Variants in MORN1 observed in about 807,000 individuals in gnomAD.
The protein encoded by MORN1 is MORN repeat containing 1, also known as MORN repeat-containing protein 1.
MORN1 carries 67 observed loss-of-function variants against 61.9 expected under a neutral mutation model. That is an observed-to-expected ratio of 1.08 (90% CI 0.89 to 1.33). The LOEUF is 1.33. Among genes scored for constraint, MORN1 ranks in the 40% most tolerant of loss-of-function variants. MORN1 has a pLI of 0.00. For missense variants in MORN1, 752 were observed against 691.2 expected (o/e 1.09, Z -0.99); for synonymous variants, 301 against 292.0 (o/e 1.03, Z -0.31).
At chr1:2,341,072 T>C (rs1272195449) in intron 10 of MORN1, among the ~76,000 whole-genome samples, 1 of 152,248 alleles carries the variant, frequency 6.6e-6, no homozygotes, top group Non-Finnish European at 1.5e-5. Flanking sequence ...AGGCTGGCCT[T>C]GCCCTTCTGT....
In MORN1 at chr1:2,343,425, C is replaced by T. The variant is rs920124694; in HGVS notation, c.1037-6575G>A. On this transcript the variant is annotated intron_variant, in intron 10 of 13. Coordinates refer to ENST00000378531, the MANE Select transcript of MORN1 (RefSeq NM_024848.3). Reference sequence around the variant, plus strand: ...GGGCACCAGCCCTGCCGGGGCCAGGCGGGTGCCGTTCCAGCCAGGCGGGTG... The same window carrying T: ...GGGCACCAGCCCTGCCGGGGCCAGGTGGGTGCCGTTCCAGCCAGGCGGGTG... Among the ~76,000 whole-genome samples the T allele has an allele frequency of 7.9e-5, 12 of 152,210 alleles. No individual in the cohort carries two copies. The East Asian group carries it at 2.1e-3, about 27-fold the overall frequency.
At chr1:2,330,777 G>A (rs1453968353) in intron 12 of MORN1, among the ~76,000 whole-genome samples, 1 of 152,274 alleles carries the variant, frequency 6.6e-6, no homozygotes, top group East Asian at 1.9e-4. Context: ...CCGGGCTGAT[G>A]GGGCTCGGGT....
intron 10 of MORN1, among the ~76,000 whole-genome samples, chr1:2,338,516 A>T (rs1028725820): frequency 6.6e-6 from 1 of 152,158 alleles, no homozygotes; most frequent in African/African-American, 2.4e-5. Context: ...TATCCTAATC[A>T]TGCGGACACC....
chr1:2,363,785 A>AAAACAAACAAAC (rs4013730), intron 8 of MORN1, among the ~76,000 whole-genome samples: 13 of 130,734 alleles, frequency 9.9e-5, no homozygotes, highest in South Asian at 2.4e-4. Flanking sequence ...ATCAGTTAGA[A>AAAACAAACAAAC]AAACAAACAA....
At chr1:2,324,363 CA>C (rs1640951317) in intron 12 of MORN1, among the ~76,000 whole-genome samples, 1 of 152,200 alleles carries the variant, frequency 6.6e-6, no homozygotes, top group Non-Finnish European at 1.5e-5. Context: ...CTGCCCTGTG[CA>C]AATCCTCTTT....
intron 12 of MORN1, chr1:2,332,316 C>G (rs192931809): frequency 9.2e-4 from 281 of 304,074 alleles, no homozygotes; most frequent in Non-Finnish European, 1.2e-3. Context: ...GGGGGCTCCC[C>G]TAGAGCCCCG....
At chr1:2,342,644 C>T (rs1641419982) in intron 10 of MORN1, among the ~76,000 whole-genome samples, 1 of 151,844 alleles carries the variant, frequency 6.6e-6, no homozygotes, top group Non-Finnish European at 1.5e-5. Context: ...TCCTCACCTC[C>T]CTCACCCTTC....
chr1:2,341,860 G>A (rs886538481), intron 10 of MORN1, among the ~76,000 whole-genome samples: 1 of 152,212 alleles, frequency 6.6e-6, no homozygotes, highest in African/African-American at 2.4e-5. Context: ...CCGCCAGCCC[G>A]AGTGGGCCTC....
intron 4 of MORN1, chr1:2,387,146 G>C: frequency 3.9e-6 from 2 of 506,608 alleles, no homozygotes; most frequent in South Asian, 4.9e-5. Flanking sequence ...TAAAGCAGTG[G>C]CCATTTTAAC....
Position 2,336,904 on chromosome 1 carries a change from G to A in MORN1, c.1037-54C>T, listed in dbSNP as rs930426529. 6.1e-6 allele frequency: 9 copies of A among 1,483,718 alleles called. No individual in the cohort carries two copies. In the African/African-American group the frequency reaches 1.1e-4, roughly 19 times the overall value. The allele number at this position is 1,483,718 out of a possible 1,614,324, so 91.9% of individuals were successfully genotyped here. A position where few individuals can be genotyped will look rare whatever the true frequency, so the allele number is the denominator to read the frequency against. On this transcript the variant is annotated intron_variant, in intron 10 of 13. Coordinates refer to ENST00000378531, the MANE Select transcript of MORN1 (RefSeq NM_024848.3). ...ATGAGGGGCTCAGGGCGGAGACGGA[G>A]GGAGCCCCACAGGGCTGTGCTGAAG... is the stretch of plus-strand genomic sequence containing the variant.
chr1:2,385,935 C>T, intron 4 of MORN1, 38 bp from the exon 5 acceptor site: 2 of 1,572,738 alleles, frequency 1.3e-6, no homozygotes, highest in Non-Finnish European at 1.8e-6. Context: ...GGCTTTGTGC[C>T]TCCTCCTGCA....
intron 13 of MORN1, chr1:2,322,021 G>A (rs2100211321): frequency 1.1e-5 from 11 of 985,042 alleles, no homozygotes; most frequent in East Asian, 1.1e-4. Flanking sequence ...TAAAAATAAC[G>A]AACCCTCTGA....
intron 12 of MORN1, among the ~76,000 whole-genome samples, chr1:2,326,041 G>A (rs374917963): frequency 9.2e-5 from 14 of 152,240 alleles, no homozygotes; most frequent in Admixed American, 4.6e-4. Context: ...GCCTCCTCCC[G>A]CCGTCCTGCC....
At chr1:2,353,042 A>G (rs982027844) in intron 10 of MORN1, among the ~76,000 whole-genome samples, 4 of 152,194 alleles carry the variant, frequency 2.6e-5, no homozygotes, top group African/African-American at 9.7e-5. Context: ...GGACCAGCAC[A>G]GCTGCCTGCG....
chr1:2,372,730 A>G lies in MORN1; in HGVS notation c.635-139T>C. 1 of 621,010 alleles carries G rather than the reference A, an allele frequency of 1.6e-6. No homozygotes were observed. The highest frequency in any genetic ancestry group is 2.9e-5 in the East Asian group (1 of 34,994). The allele number at this position is 621,010 out of a possible 1,614,324, so 38.5% of individuals were successfully genotyped here. A position where few individuals can be genotyped will look rare whatever the true frequency, so the allele number is the denominator to read the frequency against. The stretch of plus-strand genomic sequence containing the variant: ...GGAACACAAGCACATGCGGGGGCCG[A>G]CCCTCCGCAAACCACCTTGCAGAGC... On this transcript the variant is annotated intron_variant, in intron 7 of 13. Transcript: ENST00000378531. This position sits in a 1 kb window ranked among gnomAD's most constrained non-coding sequence, Gnocchi z 5.4.
intron 12 of MORN1, chr1:2,332,596 C>T (rs1215872064): frequency 2.2e-6 from 1 of 456,498 alleles, no homozygotes; most frequent in African/African-American, 2.0e-5. Flanking sequence ...CGGCACAGGC[C>T]CAGGTTGGGG....
chr1:2,383,019 C>T (rs936154483), intron 6 of MORN1, among the ~76,000 whole-genome samples: 1 of 152,162 alleles, frequency 6.6e-6, no homozygotes, highest in Admixed American at 6.5e-5. Context: ...TGAGGCCCTG[C>T]TGCGGGCAGC....
chr1:2,347,921 C>A (rs1304771127), intron 10 of MORN1, among the ~76,000 whole-genome samples: 1 of 152,246 alleles, frequency 6.6e-6, no homozygotes, highest in African/African-American at 2.4e-5. Context: ...TGAATTTGCT[C>A]CTCACTCCAC....
chr1:2,323,787 C>T (rs1157990272), intron 13 of MORN1: 1 of 985,216 alleles, frequency 1.0e-6, no homozygotes, highest in Non-Finnish European at 1.2e-6. Context: ...TCCCCTTGGA[C>T]CCCAAGGCCT....
Sources: allele counts gnomAD v4.1 joint callset (sites outside exome capture counted in the v4.1 genomes callset), GRCh38; gene constraint gnomAD v4.1.1; non-coding constraint Gnocchi (gnomAD v3.1); transcripts MANE v1.5; gene names NCBI Gene and HGNC (gene_info 2026-07-23, HGNC 2026-07-21).